The following GALNT13 variants were observed in gnomAD, a reference collection of about 807,000 sequenced individuals.
GALNT13 encodes polypeptide N-acetylgalactosaminyltransferase 13.
Under a neutral mutation model 64.2 loss-of-function variants are expected in GALNT13, and 28 were observed. The ratio of observed to expected loss-of-function variants is 0.44; its 90% confidence interval spans 0.32 to 0.60. The LOEUF (loss-of-function observed/expected upper bound fraction) is 0.60. Ranked by LOEUF, GALNT13 falls within the 20% of genes least tolerant of loss-of-function variation. GALNT13 has a pLI of 0.05. For missense variants in GALNT13, 577 were observed against 669.8 expected (o/e 0.86, Z 1.53); for synonymous variants, 214 against 224.6 (o/e 0.95, Z 0.42).
chr2:153,628,593 A>G, the GALNT13 span, among the ~76,000 whole-genome samples: 11 of 152,084 alleles, frequency 7.2e-5, no homozygotes, highest in Admixed American at 7.2e-4. Flanking sequence ...TTCTGCATCT[A>G]TTGAGATAAT....
rs1691591071 is a variant in GALNT13, at chr2:153,944,776, T to G, written c.142+137T>G. On this transcript the variant is annotated intron_variant, in intron 3 of 12. Transcript: ENST00000392825. ...ATTTTGGCAGCACTATTAATGCATGTTTAACCATGGGGAAGTTACTTTACC... is the reference window on the plus strand; with the variant it reads ...ATTTTGGCAGCACTATTAATGCATGGTTAACCATGGGGAAGTTACTTTACC... The G allele has an allele frequency of 4.6e-6, 3 of 645,678 alleles. 1 individual carries two copies. In the South Asian group the frequency reaches 7.4e-5, roughly 16 times the overall value. The allele number at this position is 645,678 out of a possible 1,614,324, so 40.0% of individuals were successfully genotyped here.
intron 3 of GALNT13, among the ~76,000 whole-genome samples, chr2:154,005,634 A>T (rs1004271511): frequency 6.6e-6 from 1 of 152,098 alleles, no homozygotes; most frequent in African/African-American, 2.4e-5. Context: ...TTTCATCTTG[A>T]TGGGACAGCT....
At position 154,325,378 on chromosome 2, in the gene GALNT13, G is replaced by A. The variant is rs183526891; in HGVS notation, c.1156+23789G>A. Among the ~76,000 whole-genome samples the A allele has an allele frequency of 3.4e-3, 514 of 152,148 alleles. 4 individuals carry two copies. Among genetic ancestry groups the A allele is most frequent in the Non-Finnish European group, 6.0e-3 (408 of 67,988 alleles). ...ATTCTCCACCACTTCCACATTAAAG[G>A]AACTAGATCGGGTTCCTCCAGATTA... On this transcript the variant is annotated intron_variant, in intron 9 of 12. Transcript: ENST00000392825.
chr2:153,450,756 T>C, the GALNT13 span, among the ~76,000 whole-genome samples: 15 of 152,280 alleles, frequency 9.9e-5, no homozygotes, highest in African/African-American at 3.4e-4. Context: ...CATTAAAATG[T>C]CCCTCTTATG....
intron 4 of GALNT13, among the ~76,000 whole-genome samples, chr2:154,159,824 A>G (rs1453419120): frequency 6.6e-6 from 1 of 152,210 alleles, no homozygotes; most frequent in African/African-American, 2.4e-5. Context: ...ATGATAGCTA[A>G]GAGAAGACTA....
chr2:154,403,455 CA>C (rs950728521), intron 10 of GALNT13, among the ~76,000 whole-genome samples: 78 of 124,042 alleles, frequency 6.3e-4, no homozygotes, highest in African/African-American at 1.8e-3. Context: ...GACTCCGTCT[CA>C]AAAAAAAAAA....
chr2:153,884,851 GTA>G (rs200928912), intron 1 of GALNT13, among the ~76,000 whole-genome samples: 1,779 of 68,258 alleles, frequency 0.026, 25 homozygotes, highest in East Asian at 0.1. Context: ...GTGTATATAT[GTA>G]TATACACACA....
intron 4 of GALNT13, among the ~76,000 whole-genome samples, chr2:154,237,282 CTTA>C (rs1477617238): frequency 1.3e-5 from 2 of 151,626 alleles, no homozygotes; most frequent in Admixed American, 6.6e-5. Context: ...CTACCTTAAT[CTTA>C]TTATGTAAAA....
At chr2:153,383,004 C>A in the GALNT13 span, among the ~76,000 whole-genome samples, 1 of 151,842 alleles carries the variant, frequency 6.6e-6, no homozygotes, top group African/African-American at 2.4e-5. Flanking sequence ...ATAAATATTG[C>A]AATTATAGGA....
At chr2:154,041,954 T>G (rs1699007507) in intron 3 of GALNT13, among the ~76,000 whole-genome samples, 1 of 140,486 alleles carries the variant, frequency 7.1e-6, no homozygotes, top group African/African-American at 2.4e-5. Context: ...CTTAGTAAAT[T>G]TATTTAGATA....
the GALNT13 span, among the ~76,000 whole-genome samples, chr2:153,582,570 A>G: frequency 6.6e-6 from 1 of 152,184 alleles, no homozygotes; most frequent in African/African-American, 2.4e-5. Context: ...TATTTTAGGA[A>G]CTAAAATTCT....
chr2:153,557,373 T>G, the GALNT13 span, among the ~76,000 whole-genome samples: 1 of 152,200 alleles, frequency 6.6e-6, no homozygotes, highest in Non-Finnish European at 1.5e-5. Context: ...GCATCTGTTT[T>G]TAAAGTGACT....
At chr2:153,867,510 G>A (rs1174837781), upstream of GALNT13, among the ~76,000 whole-genome samples, 2 of 151,990 alleles carry the variant, frequency 1.3e-5, no homozygotes, top group Non-Finnish European at 2.9e-5. Flanking sequence ...CAACATTTTT[G>A]GCCCCAGGGA....
chr2:154,257,075 CA>C (rs200914301), intron 7 of GALNT13, among the ~76,000 whole-genome samples: 4 of 151,408 alleles, frequency 2.6e-5, no homozygotes, highest in Admixed American at 1.3e-4. Flanking sequence ...ATTGCAAACA[CA>C]AAAAAAACTA....
At chr2:153,954,015 T>C (rs1319872411) in intron 3 of GALNT13, among the ~76,000 whole-genome samples, 1 of 152,142 alleles carries the variant, frequency 6.6e-6, no homozygotes, top group Admixed American at 6.5e-5. Flanking sequence ...GTGTCAGCCT[T>C]TTCTATTTTT....
the GALNT13 span, among the ~76,000 whole-genome samples, chr2:153,444,427 A>G: frequency 6.6e-6 from 1 of 152,350 alleles, no homozygotes; most frequent in South Asian, 2.1e-4. Flanking sequence ...TTTGACTATC[A>G]TGATTGAGGA....
chr2:153,349,109 A>G, the GALNT13 span, among the ~76,000 whole-genome samples: 1 of 152,200 alleles, frequency 6.6e-6, no homozygotes, highest in Non-Finnish European at 1.5e-5. Flanking sequence ...CTGTCAGGAA[A>G]AAGATGGAGC....
chr2:153,132,999 G>C, the GALNT13 span, among the ~76,000 whole-genome samples: 4 of 151,804 alleles, frequency 2.6e-5, no homozygotes, highest in Non-Finnish European at 5.9e-5. Context: ...CTGGGATTAC[G>C]GGCATGGGCC....
chr2:153,456,380 T>C, the GALNT13 span, among the ~76,000 whole-genome samples: 3 of 152,188 alleles, frequency 2.0e-5, no homozygotes, highest in African/African-American at 7.2e-5. Flanking sequence ...TTATGGAACC[T>C]AGATTTGATC....
Sources: gnomAD v4.1 joint callset for allele counts (sites outside exome capture counted in the v4.1 genomes callset) on GRCh38, gnomAD v4.1.1 for gene constraint, MANE v1.5 for transcripts, NCBI Gene and HGNC (gene_info 2026-07-23, HGNC 2026-07-21) for gene names.